The following HK1 variants were observed in gnomAD, a reference collection of about 807,000 sequenced individuals.
HK1 encodes hexokinase-1.
HK1 carries 28 observed loss-of-function variants against 91.6 expected under a neutral mutation model. The ratio of observed to expected loss-of-function variants is 0.31; its 90% CI spans 0.23 to 0.42. The LOEUF is 0.42. Among genes scored for constraint, HK1 ranks in the 10% least tolerant of loss-of-function variants. The pLI is 1.00. For synonymous variants in HK1, 430 were observed against 468.1 expected (o/e 0.92, Z 1.05); for missense variants, 770 against 1,219.8 (o/e 0.63, Z 5.49).
intron 2 of HK1, among the ~76,000 whole-genome samples, chr10:69,351,282 C>T (rs371197197): frequency 2.0e-5 from 3 of 151,984 alleles, no homozygotes; most frequent in Admixed American, 6.6e-5. Flanking sequence ...CCAGGGCAGT[C>T]GGATCATCTG....
chr10:69,354,417 T>C (rs552160093), intron 2 of HK1, among the ~76,000 whole-genome samples: 3 of 152,280 alleles, frequency 2.0e-5, no homozygotes, highest in African/African-American at 4.8e-5. Context: ...AAAAGGCATC[T>C]TCCTCACAAA....
chr10:69,321,892 A>G (rs1847054690), intron 1 of HK1, among the ~76,000 whole-genome samples: 1 of 152,122 alleles, frequency 6.6e-6, no homozygotes, highest in South Asian at 2.1e-4. Context: ...AAACACATAT[A>G]TTCCTTTCAC....
At chr10:69,346,293 G>A (rs767063500) in intron 2 of HK1, among the ~76,000 whole-genome samples, 10 of 152,178 alleles carry the variant, frequency 6.6e-5, no homozygotes, top group Admixed American at 2.0e-4. Flanking sequence ...ATAAATTGGC[G>A]CTCACCATGG....
At chr10:69,292,885 G>A (rs1320215039) in intron 3 of HK1, among the ~76,000 whole-genome samples, 1 of 152,164 alleles carries the variant, frequency 6.6e-6, no homozygotes, top group Non-Finnish European at 1.5e-5. Flanking sequence ...CATCTGTTCT[G>A]ACTTGGGGCT....
intron 1 of HK1, chr10:69,338,113 G>A: frequency 3.1e-6 from 1 of 323,770 alleles, no homozygotes; most frequent in Non-Finnish European, 4.8e-6. Flanking sequence ...TGCTCTGCGG[G>A]GGTCCAACTT....
At chr10:69,338,408 C>A in intron 1 of HK1, 1 of 1,229,186 alleles carries the variant, frequency 8.1e-7, no homozygotes, top group Non-Finnish European at 1.0e-6. Flanking sequence ...ACCAGAGTCC[C>A]ACATATTCGT....
intron 1 of HK1, among the ~76,000 whole-genome samples, chr10:69,320,357 G>A (rs1846936896): frequency 6.6e-6 from 1 of 152,126 alleles, no homozygotes; most frequent in African/African-American, 2.4e-5. Flanking sequence ...AGTGAGGTAG[G>A]TAGGAGATAG....
chr10:69,359,458 C>T (rs947207175), intron 2 of HK1, among the ~76,000 whole-genome samples: 2 of 152,168 alleles, frequency 1.3e-5, no homozygotes, highest in African/African-American at 4.8e-5. Flanking sequence ...TAATTGATGT[C>T]AGAGCTGACA....
intron 3 of HK1, among the ~76,000 whole-genome samples, chr10:69,289,474 T>G (rs1162690438): frequency 3.7e-5 from 1 of 26,884 alleles, no homozygotes; most frequent in Non-Finnish European, 1.1e-4. Flanking sequence ...TTTTTTTTTT[T>G]TTTTTTTTTT....
At chr10:69,394,262 A>G (rs1003504334) in intron 15 of HK1, among the ~76,000 whole-genome samples, 3 of 152,246 alleles carry the variant, frequency 2.0e-5, no homozygotes, top group African/African-American at 7.2e-5. Context: ...GTTGACCTCC[A>G]GTGTGTTGTG....
In HK1 at chr10:69,364,969, T is replaced by A. The variant is rs1849626397; in HGVS notation, c.495+67T>A. 5.4e-5 allele frequency: 86 copies of A among 1,581,432 alleles called. 2 individuals carry two copies. In the South Asian group the frequency reaches 9.1e-4, roughly 17 times the overall value. ...GGATGGAAAAGCTAACAAGCCCTTT[T>A]CTCCACAACTTTTCCCCTTTGTTGG... On this transcript the variant is annotated intron_variant, in intron 4 of 17. Transcript: ENST00000359426.
chr10:69,275,219 A>T (rs1844374627), intron 1 of HK1, among the ~76,000 whole-genome samples: 1 of 76,660 alleles, frequency 1.3e-5, no homozygotes, highest in Non-Finnish European at 3.0e-5. Flanking sequence ...AAAAAAACCA[A>T]AAAACAAAAA....
At chr10:69,294,571 A>T (rs1845457923) in intron 3 of HK1, among the ~76,000 whole-genome samples, 1 of 152,122 alleles carries the variant, frequency 6.6e-6, no homozygotes, top group South Asian at 2.1e-4. Context: ...AAACTAAAAA[A>T]TGTGGCCAGG....
intron 1 of HK1, 151 bp from the exon 2 acceptor site, chr10:69,343,676 G>T: frequency 1.3e-6 from 1 of 754,142 alleles, no homozygotes; most frequent in Non-Finnish European, 2.4e-6. Flanking sequence ...GGGTGACATG[G>T]ATGACAGCAG....
At chr10:69,332,455 C>T (rs890106702) in intron 1 of HK1, among the ~76,000 whole-genome samples, 4 of 151,666 alleles carry the variant, frequency 2.6e-5, no homozygotes, top group Admixed American at 6.6e-5. Context: ...CTTGACTCAC[C>T]GCAACCTCTG....
intron 7 of HK1, among the ~76,000 whole-genome samples, chr10:69,376,618 C>T (rs1228664110): frequency 6.6e-6 from 1 of 152,188 alleles, no homozygotes; most frequent in Non-Finnish European, 1.5e-5. Context: ...CTATCTGGGG[C>T]CTTCTTGACA....
chr10:69,316,054 C>T (rs752029839), upstream of HK1: 6 of 1,530,092 alleles, frequency 3.9e-6, no homozygotes, highest in Non-Finnish European at 4.5e-6. Context: ...CAAGCTGGGC[C>T]TTAGATGAGA....
intron 1 of HK1, among the ~76,000 whole-genome samples, chr10:69,278,981 G>A (rs1327715166): frequency 2.0e-5 from 3 of 152,204 alleles, no homozygotes; most frequent in Admixed American, 6.5e-5. Flanking sequence ...TCAGAGGAGC[G>A]AGTTTTTATT....
In HK1 at chr10:69,391,154, A is replaced by G. The variant is rs558579734; in HGVS notation, c.2036-971A>G. On this transcript the variant is annotated intron_variant, in intron 14 of 17. Coordinates refer to ENST00000359426, the MANE Select transcript of HK1 (RefSeq NM_000188.3). ...GTGCGGTGTGTGGGTCCACCCAGAGAAAGGTGCCTTTTTCACAGAAGAATC... is the reference window on the plus strand; with the variant it reads ...GTGCGGTGTGTGGGTCCACCCAGAGGAAGGTGCCTTTTTCACAGAAGAATC... Among the ~76,000 whole-genome samples the G allele has an allele frequency of 2.6e-5, 4 of 152,310 alleles. No homozygotes were observed. In the East Asian group the frequency reaches 5.8e-4, roughly 22 times the overall value.
Sources: allele counts gnomAD v4.1 joint callset (sites outside exome capture counted in the v4.1 genomes callset), GRCh38; gene constraint gnomAD v4.1.1; transcripts MANE v1.5; gene names NCBI Gene and HGNC (gene_info 2026-07-23, HGNC 2026-07-21).